The following KCNN2 variants were observed in gnomAD, a reference collection of about 807,000 sequenced individuals.
KCNN2 encodes the protein potassium calcium-activated channel subfamily N member 2.
KCNN2 carries 24 observed loss-of-function variants against 55.5 expected under a neutral mutation model. The ratio of observed to expected loss-of-function variants is 0.43; its 90% confidence interval spans 0.31 to 0.61. The LOEUF (loss-of-function observed/expected upper bound fraction) is 0.61, where lower values mean the gene tolerates loss of function less well. Among genes scored for constraint, KCNN2 ranks in the 20% least tolerant of loss-of-function variants. The pLI is 0.08. For missense variants in KCNN2, 754 were observed against 853.6 expected (o/e 0.88, Z 1.45); for synonymous variants, 431 against 336.1 (o/e 1.28, Z -3.09).
chr5:114,160,421 C>T (rs192183363), intron 1 of KCNN2, among the ~76,000 whole-genome samples: 5 of 152,182 alleles, frequency 3.3e-5, no homozygotes, highest in Non-Finnish European at 7.4e-5. Context: ...GCTTTACTTC[C>T]AATTATGTGG....
intron 2 of KCNN2, among the ~76,000 whole-genome samples, chr5:114,373,629 T>TA: frequency 8.4e-6 from 1 of 119,384 alleles, no homozygotes; most frequent in Non-Finnish European, 1.8e-5. Context: ...CATGGTGTTG[T>TA]TATGAAGATT....
intron 2 of KCNN2, among the ~76,000 whole-genome samples, chr5:114,378,544 G>A (rs4705503): frequency 0.29 from 44,669 of 152,034 alleles, 6,895 homozygotes; most frequent in Non-Finnish European, 0.35. Context: ...CCCTATCTCG[G>A]GCTTCTGTGT....
At chr5:114,331,794 C>CT (rs921598829) in intron 2 of KCNN2, among the ~76,000 whole-genome samples, 6 of 152,116 alleles carry the variant, frequency 3.9e-5, no homozygotes, top group South Asian at 2.1e-4. Context: ...CAAAAATATT[C>CT]TTTTTTTTCT....
chr5:114,114,321 T>C (rs1283582426), intron 1 of KCNN2, among the ~76,000 whole-genome samples: 2 of 152,158 alleles, frequency 1.3e-5, no homozygotes, highest in East Asian at 1.9e-4. Context: ...CATGAACTCC[T>C]GGGCTCAAGT....
chr5:114,135,686 A>T (rs1445788568), intron 1 of KCNN2, among the ~76,000 whole-genome samples: 1 of 152,242 alleles, frequency 6.6e-6, no homozygotes, highest in Non-Finnish European at 1.5e-5. Flanking sequence ...GTTAACAGAC[A>T]TCTGAGGAAA....
chr5:114,225,973 G>A (rs921938782), intron 2 of KCNN2, among the ~76,000 whole-genome samples: 1 of 152,152 alleles, frequency 6.6e-6, no homozygotes, highest in Non-Finnish European at 1.5e-5. Flanking sequence ...AGCATGTAGT[G>A]AAATTCATAC....
chr5:114,304,192 A>G (rs1290067118), intron 2 of KCNN2, among the ~76,000 whole-genome samples: 1 of 152,218 alleles, frequency 6.6e-6, no homozygotes, highest in East Asian at 1.9e-4. Flanking sequence ...GCTAGAGCCA[A>G]CATAGCGGGC....
At chr5:114,111,925 C>T (rs1580524178) in intron 1 of KCNN2, among the ~76,000 whole-genome samples, 2 of 152,144 alleles carry the variant, frequency 1.3e-5, no homozygotes, top group Non-Finnish European at 2.9e-5. Flanking sequence ...TGTGGTGATT[C>T]CTCAAGGATC....
At chr5:114,198,678 A>G (rs886313735) in intron 1 of KCNN2, among the ~76,000 whole-genome samples, 1 of 151,784 alleles carries the variant, frequency 6.6e-6, no homozygotes, top group African/African-American at 2.4e-5. Context: ...TTTTAATTTT[A>G]ATTTTTGTTT....
intron 2 of KCNN2, among the ~76,000 whole-genome samples, chr5:114,311,498 T>C (rs1756390311): frequency 6.6e-6 from 1 of 152,144 alleles, no homozygotes. Context: ...ATAATTCTCC[T>C]TTTAAAAAAT....
chr5:114,243,487 C>T lies in KCNN2; in HGVS notation c.-185+21922C>T, dbSNP rs113750471. 3.4e-3 allele frequency among the ~76,000 whole-genome samples: 6 copies of T among 1,766 alleles called. No individual in the cohort carries two copies. In the Non-Finnish European group the frequency reaches 0.062, roughly 18 times the overall value. The allele number at this position is 1,766 out of a possible 152,430, so 1.2% of individuals were successfully genotyped here. On this transcript the variant is annotated intron_variant, in intron 2 of 10. Transcript: ENST00000512097. ...GTACCTGAACCACCCCTTTGTCCAGCGTATCCACACATCTATGCTACTGGC... is the reference window on the plus strand; with the variant it reads ...GTACCTGAACCACCCCTTTGTCCAGTGTATCCACACATCTATGCTACTGGC...
chr5:114,058,412 A>G (rs1043289571), intron 1 of KCNN2, among the ~76,000 whole-genome samples: 3 of 152,192 alleles, frequency 2.0e-5, no homozygotes, highest in Non-Finnish European at 2.9e-5. Context: ...GTGTTTTGGC[A>G]GGTCACAATT....
chr5:114,105,362 A>C (rs1751463501), intron 1 of KCNN2, among the ~76,000 whole-genome samples: 1 of 147,276 alleles, frequency 6.8e-6, no homozygotes, highest in African/African-American at 2.6e-5. Flanking sequence ...AAACATTTTT[A>C]AAAAGCCAAG....
At chr5:114,212,580 C>G (rs981263144) in intron 1 of KCNN2, among the ~76,000 whole-genome samples, 5 of 151,866 alleles carry the variant, frequency 3.3e-5, no homozygotes, top group Admixed American at 2.6e-4. Flanking sequence ...AAATATGAAT[C>G]ACATTTTTCT....
intron 2 of KCNN2, among the ~76,000 whole-genome samples, chr5:114,281,850 C>G (rs62382900): frequency 0.1 from 15,265 of 151,900 alleles, 973 homozygotes; most frequent in Middle Eastern, 0.21. Context: ...GGTTGTAATT[C>G]TGATAATTTT....
At chr5:114,164,369 T>G (rs982656558) in intron 1 of KCNN2, among the ~76,000 whole-genome samples, 1 of 152,218 alleles carries the variant, frequency 6.6e-6, no homozygotes, top group African/African-American at 2.4e-5. Flanking sequence ...AGTTTTGATT[T>G]AGCTTTCCAT....
intron 1 of KCNN2, among the ~76,000 whole-genome samples, chr5:114,083,808 C>T (rs979212395): frequency 1.3e-5 from 2 of 152,082 alleles, no homozygotes; most frequent in African/African-American, 4.8e-5. Flanking sequence ...GATAGTTTCA[C>T]TGCCCTAAAA....
intron 1 of KCNN2, among the ~76,000 whole-genome samples, chr5:114,135,224 G>C (rs1486132645): frequency 6.6e-6 from 1 of 152,056 alleles, no homozygotes. Context: ...GAAAGTGAGG[G>C]TGAAGGTGGA....
chr5:114,412,555 G>C (rs911633076), intron 3 of KCNN2, among the ~76,000 whole-genome samples: 1 of 152,204 alleles, frequency 6.6e-6, no homozygotes. Context: ...AATGGCATCT[G>C]AAAGTTTCAC....
Sources: gnomAD v4.1 joint callset for allele counts (sites outside exome capture counted in the v4.1 genomes callset) on GRCh38, gnomAD v4.1.1 for gene constraint, MANE v1.5 for transcripts, NCBI Gene and HGNC (gene_info 2026-07-23, HGNC 2026-07-21) for gene names.